Variants in NHSL1 observed in about 807,000 individuals in gnomAD.
NHSL1 encodes NHS-like protein 1.
Under a neutral mutation model 95.0 loss-of-function variants are expected in NHSL1, and 48 were observed. The observed-to-expected ratio is 0.51, with a 90% CI of 0.40 to 0.64. The LOEUF is 0.64. Among genes scored for constraint, NHSL1 ranks in the 30% least tolerant of loss-of-function variants. NHSL1 has a pLI of 0.00. For synonymous variants in NHSL1, 783 were observed against 833.9 expected (o/e 0.94, Z 1.05); for missense variants, 1,971 against 2,077.7 (o/e 0.95, Z 1.00).
Position 138,424,204 on chromosome 6 carries a change from G to A in NHSL1, c.4698C>T (p.Leu1566=). 6.7e-7 allele frequency: 1 copy of A among 1,498,606 alleles called. No individual in the cohort carries two copies. The highest frequency in any genetic ancestry group is 8.9e-7 in the Non-Finnish European group (1 of 1,126,822). The allele number at this position is 1,498,606 out of a possible 1,614,324, so 92.8% of individuals were successfully genotyped here. The change falls in exon 8 of 8, where the codon CTC becomes CTT. Residue 1566 remains leucine (L), a synonymous_variant. Coordinates refer to ENST00000343505, the MANE Select transcript of NHSL1 (RefSeq NM_001144060.2). This position sits in a 1 kb window ranked among gnomAD's most constrained non-coding sequence, Gnocchi z 5.9. The part of the protein sequence containing the change: ...AREEMDEGGL[L]CGEGPAASLQ... ...GGGAGGCGGCAGGCCCCTCCCCACA[G>A]AGCAGGCCGCCCTCGTCCATCTCCT...
chr6:138,460,171 C>T (rs1339541209), intron 3 of NHSL1, among the ~76,000 whole-genome samples: 1 of 152,180 alleles, frequency 6.6e-6, no homozygotes, highest in East Asian at 1.9e-4. Flanking sequence ...ACCCAACATA[C>T]ACAAGACCAT....
intron 1 of NHSL1, among the ~76,000 whole-genome samples, chr6:138,641,071 C>G (rs915301283): frequency 6.6e-5 from 10 of 152,216 alleles, no homozygotes; most frequent in Admixed American, 6.5e-5. Context: ...TTCTTGCCCC[C>G]CTTAGTTGAG....
intron 1 of NHSL1, among the ~76,000 whole-genome samples, chr6:138,565,586 A>G (rs1445802246): frequency 6.6e-6 from 1 of 152,098 alleles, no homozygotes; most frequent in Non-Finnish European, 1.5e-5. Context: ...GCAGACCTTT[A>G]GGAGATTAAA....
chr6:138,507,909 G>A (rs1253290028), intron 1 of NHSL1, among the ~76,000 whole-genome samples: 2 of 152,170 alleles, frequency 1.3e-5, no homozygotes, highest in Admixed American at 6.5e-5. Context: ...AGATGATAAT[G>A]TATCAATTCT....
chr6:138,574,686 A>G (rs1783938071), upstream of NHSL1, among the ~76,000 whole-genome samples: 3 of 146,284 alleles, frequency 2.1e-5, no homozygotes, highest in Admixed American at 2.0e-4. Context: ...AAAAAAAAAA[A>G]AGAAAAGAAA....
chr6:138,528,207 T>C lies in NHSL1; in HGVS notation c.16+17416A>G, dbSNP rs190601425. Among the ~76,000 whole-genome samples the C allele has an allele frequency of 2.1e-3, 325 of 152,260 alleles. 9 individuals carry two copies. Among genetic ancestry groups the C allele is most frequent in the Admixed American group, 0.021 (322 of 15,280 alleles). ...TAAAATACCAAGATTTTATTTCTTG[T>C]ATTACTTTTTAAGATATATTCCTAA... is the stretch of plus-strand genomic sequence containing the variant. On this transcript the variant is annotated intron_variant, in intron 1 of 4. Coordinates refer to the NHSL1 transcript ENST00000342260.
chr6:138,683,160 C>G (rs1269122312), intron 1 of NHSL1, among the ~76,000 whole-genome samples: 2 of 152,154 alleles, frequency 1.3e-5, no homozygotes, highest in East Asian at 3.9e-4. Context: ...TTCCCCGGCC[C>G]CAGTGAAGCA....
chr6:138,506,679 G>A (rs894489614), intron 1 of NHSL1, among the ~76,000 whole-genome samples: 45 of 152,222 alleles, frequency 3.0e-4, no homozygotes, highest in Middle Eastern at 6.8e-3. Context: ...ATTATCTAAG[G>A]TCATAGAATA....
chr6:138,536,349 C>T (rs1782342828), intron 1 of NHSL1, among the ~76,000 whole-genome samples: 1 of 152,066 alleles, frequency 6.6e-6, no homozygotes, highest in Non-Finnish European at 1.5e-5. Flanking sequence ...ATTTGCCATA[C>T]CAACCAACAT....
At chr6:138,607,837 C>A (rs1259490868) in intron 1 of NHSL1, among the ~76,000 whole-genome samples, 1 of 152,218 alleles carries the variant, frequency 6.6e-6, no homozygotes, top group African/African-American at 2.4e-5. Flanking sequence ...CAAATTCATA[C>A]CTCCTAAGAA....
At chr6:138,650,489 A>G (rs4574660) in intron 1 of NHSL1, 15,022 of 784,834 alleles carry the variant, frequency 0.019, 684 homozygotes, top group African/African-American at 0.13. Flanking sequence ...GGAGGCTGTC[A>G]TCCACCAGGT....
intron 1 of NHSL1, among the ~76,000 whole-genome samples, chr6:138,642,598 T>C (rs1784971913): frequency 6.6e-6 from 1 of 152,220 alleles, no homozygotes. Context: ...CCATGAAGTT[T>C]AGGCAAAGGA....
intron 1 of NHSL1, among the ~76,000 whole-genome samples, chr6:138,647,759 G>A (rs1785038838): frequency 1.3e-5 from 2 of 151,828 alleles, no homozygotes; most frequent in South Asian, 2.1e-4. Context: ...CGCCATGCCC[G>A]GCTAATTTTA....
At chr6:138,459,233 C>T (rs1777836081) in intron 3 of NHSL1, among the ~76,000 whole-genome samples, 1 of 152,136 alleles carries the variant, frequency 6.6e-6, no homozygotes, top group Non-Finnish European at 1.5e-5. Context: ...GGTGATCCAC[C>T]CAACTTTGCC....
chr6:138,448,755 T>C (rs753887063), intron 3 of NHSL1, among the ~76,000 whole-genome samples: 1 of 152,150 alleles, frequency 6.6e-6, no homozygotes, highest in Non-Finnish European at 1.5e-5. Context: ...AAGAAATGCA[T>C]TGATTAGAAA....
intron 1 of NHSL1, among the ~76,000 whole-genome samples, chr6:138,672,180 G>A (rs1054977193): frequency 3.9e-5 from 6 of 152,112 alleles, no homozygotes; most frequent in Non-Finnish European, 8.8e-5. Context: ...TTCACCAAGA[G>A]AGACTGTATA....
At chr6:138,617,239 G>A (rs1343682671) in intron 1 of NHSL1, among the ~76,000 whole-genome samples, 3 of 152,060 alleles carry the variant, frequency 2.0e-5, no homozygotes, top group African/African-American at 4.8e-5. Flanking sequence ...TACATATAAG[G>A]GAAAATGTTG....
At chr6:138,481,796 A>G (rs1779431039) in intron 2 of NHSL1, among the ~76,000 whole-genome samples, 1 of 152,178 alleles carries the variant, frequency 6.6e-6, no homozygotes, top group African/African-American at 2.4e-5. Flanking sequence ...ATGCTTTTAT[A>G]TTTCAAGTAT....
intron 1 of NHSL1, among the ~76,000 whole-genome samples, chr6:138,687,613 C>T (rs1472403114): frequency 6.6e-6 from 1 of 152,140 alleles, no homozygotes; most frequent in Non-Finnish European, 1.5e-5. Context: ...GGCCTTCCCT[C>T]CTATCTCACA....
Sources: gnomAD v4.1 joint callset for allele counts (sites outside exome capture counted in the v4.1 genomes callset) on GRCh38, gnomAD v4.1.1 for gene constraint, Gnocchi (gnomAD v3.1) non-coding constraint, MANE v1.5 for transcripts, NCBI Gene and HGNC (gene_info 2026-07-23, HGNC 2026-07-21) for gene names.